Variants in MCM6 observed in about 807,000 individuals in gnomAD.
The protein encoded by MCM6 is DNA replication licensing factor MCM6.
MCM6 carries 46 observed loss-of-function variants against 94.3 expected under a neutral mutation model. The ratio of observed to expected loss-of-function variants is 0.49; its 90% confidence interval spans 0.39 to 0.62. The LOEUF (loss-of-function observed/expected upper bound fraction) is 0.62, where lower values mean the gene tolerates loss of function less well. Ranked by LOEUF, MCM6 falls within the 20% of genes least tolerant of loss-of-function variation. The pLI is 0.00. For missense variants in MCM6, 865 were observed against 1,017.9 expected (o/e 0.85, Z 2.04); for synonymous variants, 335 against 351.9 (o/e 0.95, Z 0.54).
Position 135,862,472 on chromosome 2 carries a change from T to C in MCM6, c.1220+135A>G, listed in dbSNP as rs1207941559. Reference sequence around the variant, plus strand: ...GTACAATGTTGCCATAACTTTAATCTATGAGAATTATATATTCAACATAGT... The same window carrying C: ...GTACAATGTTGCCATAACTTTAATCCATGAGAATTATATATTCAACATAGT... On this transcript the variant is annotated intron_variant, in intron 8 of 16. Transcript: ENST00000264156. 3 of 976,322 alleles carry C rather than the reference T, an allele frequency of 3.1e-6. No individual in the cohort carries two copies. In the African/African-American group the frequency reaches 4.9e-5, roughly 16 times the overall value. The allele number at this position is 976,322 out of a possible 1,614,324, so 60.5% of individuals were successfully genotyped here.
chr2:135,859,438 C>G lies in MCM6; in HGVS notation c.1225G>C (p.Val409Leu), dbSNP rs765614539. The change falls in exon 9 of 17, where the codon GTG (valine) becomes CTG (leucine). Residue 409 changes from valine to leucine, a missense_variant. Val to Leu is a conservative substitution (Grantham distance 32, BLOSUM62 1). Around this residue, in one of 3 missense-constraint regions of MCM6, gnomAD observed 153 missense variants for 241.5 expected, o/e 0.63. Transcript: ENST00000264156. ...ACAGCTCTGGGGCTGAACTCCTCCA[C>G]GTGCCTGTTCAAGGTTATCACATAA... ...STAKSQFLKHVEEFSPRAVYT... is the reference protein window; with the variant it reads ...STAKSQFLKHLEEFSPRAVYT... 6.2e-7 allele frequency: 1 copy of G among 1,607,712 alleles called. No homozygotes were observed. The highest frequency in any genetic ancestry group is 1.7e-5 in the Admixed American group (1 of 58,490).
intron 15 of MCM6, 48 bp from the exon 16 acceptor site, chr2:135,844,732 A>G (rs1679639434): frequency 6.8e-7 from 1 of 1,479,546 alleles, no homozygotes; most frequent in Admixed American, 2.4e-5. Flanking sequence ...TCGTACTGTC[A>G]GTCCTTGGGT....
chr2:135,874,267 G>A (rs942903441), intron 1 of MCM6, among the ~76,000 whole-genome samples: 3 of 152,196 alleles, frequency 2.0e-5, no homozygotes, highest in African/African-American at 7.2e-5. Flanking sequence ...TCCAGACTAA[G>A]TAGCTAGGAG....
At chr2:135,852,604 T>G (rs544124763) in intron 12 of MCM6, among the ~76,000 whole-genome samples, 183 bp downstream of exon 12, 1 of 152,218 alleles carries the variant, frequency 6.6e-6, no homozygotes, top group East Asian at 1.9e-4. Context: ...GAATTTTTTT[T>G]ACAGTTCCCT....
chr2:135,841,553 AAGGAACTC>A (rs1679570868), intron 16 of MCM6, among the ~76,000 whole-genome samples: 1 of 152,224 alleles, frequency 6.6e-6, no homozygotes, highest in African/African-American at 2.4e-5. Flanking sequence ...AGCCCATAGA[AAGGAACTC>A]AGGAAACTGT....
intron 11 of MCM6, among the ~76,000 whole-genome samples, chr2:135,853,421 G>A (rs1278871691): frequency 6.6e-6 from 1 of 152,076 alleles, no homozygotes; most frequent in Non-Finnish European, 1.5e-5. Context: ...CTCCAGCCTG[G>A]GCAACAGAGT....
rs1436311132 is a variant in MCM6 at position 135,866,009 on chromosome 2, G to A, written c.927+123C>T. The A allele has an allele frequency of 4.5e-6, 5 of 1,109,842 alleles. No individual in the cohort carries two copies. In the Admixed American group the frequency reaches 8.1e-5, roughly 18 times the overall value. The allele number at this position is 1,109,842 out of a possible 1,614,324, so 68.7% of individuals were successfully genotyped here. ...CCCAGCTACTCAGGAGGTTGAGATGGTAGGATCACTTGAGCCCAGAAAGTG... is the reference window on the plus strand; with the variant it reads ...CCCAGCTACTCAGGAGGTTGAGATGATAGGATCACTTGAGCCCAGAAAGTG... On this transcript the variant is annotated intron_variant, in intron 6 of 16. Coordinates refer to ENST00000264156, the MANE Select transcript of MCM6 (RefSeq NM_005915.6).
In MCM6 at chr2:135,856,897, A is replaced by G. The variant is rs1679901534; in HGVS notation, c.1471-14T>C. 1.2e-6 allele frequency: 2 copies of G among 1,605,220 alleles called. No homozygotes were observed. The highest frequency in any genetic ancestry group is 1.3e-5 in the African/African-American group (1 of 74,530). ...GTTCAGAGTAGCCTGACCACAAAAG[A>G]AAGAATCTTAACAGATTTAAATAGA... On this transcript the variant is annotated splice_polypyrimidine_tract_variant and intron_variant, in intron 10 of 16. Coordinates refer to ENST00000264156, the MANE Select transcript of MCM6 (RefSeq NM_005915.6).
intron 4 of MCM6, 87 bp from the exon 5 acceptor site, chr2:135,866,815 A>G (rs1680102839): frequency 8.8e-7 from 1 of 1,133,870 alleles, no homozygotes; most frequent in Admixed American, 2.6e-5. Flanking sequence ...ACAAATACGG[A>G]CGTATTCTAA....
intron 7 of MCM6, among the ~76,000 whole-genome samples, chr2:135,864,356 A>G (rs1376844324): frequency 6.6e-6 from 1 of 152,072 alleles, no homozygotes; most frequent in Non-Finnish European, 1.5e-5. Context: ...ACAAGAGCCA[A>G]TGTGGTGACC....
At chr2:135,854,472 G>A (rs193271904) in intron 11 of MCM6, among the ~76,000 whole-genome samples, 5 of 139,024 alleles carry the variant, frequency 3.6e-5, no homozygotes, top group Admixed American at 3.0e-4. Context: ...GGAGGTTGCA[G>A]TGAGGTGAGA....
intron 16 of MCM6, among the ~76,000 whole-genome samples, chr2:135,842,261 A>G (rs1231071121): frequency 6.6e-6 from 1 of 152,154 alleles, no homozygotes; most frequent in East Asian, 1.9e-4. Context: ...CCACTAGAAA[A>G]GCAACTCTGG....
At chr2:135,845,705 C>T (rs886870022) in intron 15 of MCM6, among the ~76,000 whole-genome samples, 6 of 152,160 alleles carry the variant, frequency 3.9e-5, no homozygotes, top group African/African-American at 1.4e-4. Context: ...TTGTAGTTAA[C>T]TATAGGGTGA....
intron 2 of MCM6, among the ~76,000 whole-genome samples, chr2:135,871,228 A>G (rs1028679536): frequency 6.6e-5 from 10 of 152,162 alleles, no homozygotes; most frequent in Non-Finnish European, 1.5e-4. Flanking sequence ...ACCCTCTAAA[A>G]AAGGCGCTAC....
intron 16 of MCM6, among the ~76,000 whole-genome samples, chr2:135,843,939 T>C (rs1057341874): frequency 1.3e-5 from 2 of 151,794 alleles, no homozygotes; most frequent in African/African-American, 4.8e-5. Flanking sequence ...GTGATGGGCC[T>C]GTGAGAGAGT....
At chr2:135,875,975 C>G (rs1680288010) in intron 1 of MCM6, among the ~76,000 whole-genome samples, 1 of 152,218 alleles carries the variant, frequency 6.6e-6, no homozygotes, top group African/African-American at 2.4e-5. Flanking sequence ...TGTGCAAATA[C>G]CAGGCTCGCG....
chr2:135,851,635 G>A, intron 12 of MCM6, 72 bp from the exon 13 acceptor site: 1 of 1,336,760 alleles, frequency 7.5e-7, no homozygotes, highest in Non-Finnish European at 9.8e-7. Context: ...CTAAGTTTAA[G>A]AGCCTTCCAG....
At chr2:135,863,168 A>G (rs1264188285) in intron 7 of MCM6, among the ~76,000 whole-genome samples, 1 of 152,256 alleles carries the variant, frequency 6.6e-6, no homozygotes, top group East Asian at 1.9e-4. Flanking sequence ...GAAATGGTTC[A>G]TAACACTTTT....
At chr2:135,854,367 TA>T (rs1283422232) in intron 11 of MCM6, among the ~76,000 whole-genome samples, 1 of 148,386 alleles carries the variant, frequency 6.7e-6, no homozygotes, top group Non-Finnish European at 1.5e-5. Flanking sequence ...CCGTCTCTAC[TA>T]AAAATACAAA....
Sources: allele counts gnomAD v4.1 joint callset (sites outside exome capture counted in the v4.1 genomes callset), GRCh38; gene constraint gnomAD v4.1.1; regional missense constraint gnomAD v4.1.1; transcripts MANE v1.5; gene names NCBI Gene and HGNC (gene_info 2026-07-23, HGNC 2026-07-21).